CCDC171: variants seen among roughly 807,000 people sequenced by gnomAD.
The protein encoded by CCDC171 is coiled-coil domain containing 171.
A neutral mutation model predicts 168.2 loss-of-function variants in CCDC171; 177 were observed. The observed-to-expected ratio is 1.05, with a 90% CI of 0.93 to 1.19. CCDC171 has a LOEUF of 1.19. Ranked by LOEUF, CCDC171 falls within the 50% of genes most tolerant of loss-of-function variation. The pLI is 0.00. For synonymous variants in CCDC171, 687 were observed against 540.8 expected (o/e 1.27, Z -3.75); for missense variants, 1,991 against 1,539.0 (o/e 1.29, Z -4.91).
intron 8 of CCDC171, among the ~76,000 whole-genome samples, chr9:15,660,930 T>A (rs1330097866): frequency 6.6e-6 from 1 of 152,208 alleles, no homozygotes; most frequent in Non-Finnish European, 1.5e-5. Context: ...TAATTTACAT[T>A]CCCACCAATA....
intron 4 of CCDC171, among the ~76,000 whole-genome samples, chr9:15,584,113 C>T (rs1468607149): frequency 6.6e-6 from 1 of 152,152 alleles, no homozygotes; most frequent in African/African-American, 2.4e-5. Context: ...GTGATCCACC[C>T]GCCTCGGCCT....
chr9:16,009,904 C>T (rs903730801), intron 3 of CCDC171, among the ~76,000 whole-genome samples: 1 of 152,088 alleles, frequency 6.6e-6, no homozygotes, highest in Non-Finnish European at 1.5e-5. Flanking sequence ...CTAAAAAATG[C>T]ATTACAGGCG....
intron 16 of CCDC171, among the ~76,000 whole-genome samples, chr9:15,730,934 A>G (rs2054113482): frequency 2.0e-5 from 3 of 152,048 alleles, no homozygotes; most frequent in African/African-American, 7.2e-5. Context: ...GTTTTTAAAA[A>G]GTATTTATTT....
At chr9:15,701,207 T>G (rs2051706842) in intron 11 of CCDC171, among the ~76,000 whole-genome samples, 1 of 152,238 alleles carries the variant, frequency 6.6e-6, no homozygotes, top group African/African-American at 2.4e-5. Flanking sequence ...TTCACTCTGT[T>G]GATTGTTTCC....
At position 15,820,714 on chromosome 9, in the gene CCDC171, A is replaced by G. The variant is rs1563804735; in HGVS notation, c.3268-25988A>G. Among the ~76,000 whole-genome samples, 2 of 116,992 alleles carry G rather than the reference A, an allele frequency of 1.7e-5. 1 individual carries two copies. Among genetic ancestry groups the G allele is most frequent in the East Asian group, 4.3e-4 (2 of 4,668 alleles). The allele number at this position is 116,992 out of a possible 152,430, so 76.8% of individuals were successfully genotyped here. On this transcript the variant is annotated intron_variant, in intron 21 of 25. Transcript: ENST00000380701. ...TAATTAATAGCTTACCAACCAAAAA[A>G]AGTCCAGGACCAGATGGATTCACAG...
rs574036447 is a variant in CCDC171, at chr9:16,017,445, A to G, written n.369-3144A>G. Among the ~76,000 whole-genome samples the G allele has an allele frequency of 2.0e-3, 302 of 152,252 alleles. 3 individuals carry two copies. The highest frequency in any genetic ancestry group is 2.8e-3 in the Non-Finnish European group (191 of 68,000). ...TTTAGCTTGTTTCCAATTTTTAATT[A>G]TTATAAATAATACTATAGTGAACCT... On this transcript the variant is annotated intron_variant and non_coding_transcript_variant, in intron 3 of 9. Coordinates refer to the CCDC171 transcript ENST00000486641.
rs1371949802 is a variant in CCDC171 at position 15,917,934 on chromosome 9, A to G, written c.3601-2336A>G. Reference sequence around the variant, plus strand: ...AGAACCACATATTTCAGATTGTCTCATTTAGATTTTAGTGGAGAATTTAAA... The same window carrying G: ...AGAACCACATATTTCAGATTGTCTCGTTTAGATTTTAGTGGAGAATTTAAA... On this transcript the variant is annotated intron_variant, in intron 24 of 25. Coordinates refer to ENST00000380701, the MANE Select transcript of CCDC171 (RefSeq NM_173550.4). Among the ~76,000 whole-genome samples the G allele has an allele frequency of 3.3e-5, 5 of 151,834 alleles. No individual in the cohort carries two copies. In the South Asian group the frequency reaches 8.3e-4, roughly 25 times the overall value.
the CCDC171 span, among the ~76,000 whole-genome samples, chr9:16,103,475 G>A: frequency 6.6e-6 from 1 of 152,252 alleles, no homozygotes; most frequent in Admixed American, 6.5e-5. Flanking sequence ...CATAAAAGAT[G>A]CAATGTAAAA....
At chr9:15,949,986 A>G (rs913887847) in intron 25 of CCDC171, among the ~76,000 whole-genome samples, 1 of 152,150 alleles carries the variant, frequency 6.6e-6, no homozygotes, top group Non-Finnish European at 1.5e-5. Flanking sequence ...TCCCATCAAT[A>G]GTTAATTTAT....
intron 21 of CCDC171, among the ~76,000 whole-genome samples, chr9:15,837,878 A>G (rs1164373149): frequency 6.6e-6 from 1 of 152,212 alleles, no homozygotes; most frequent in African/African-American, 2.4e-5. Flanking sequence ...CTCAGTGGTT[A>G]TTGCCAGTGG....
chr9:15,942,509 C>A (rs1487082297), intron 25 of CCDC171, among the ~76,000 whole-genome samples: 1 of 151,844 alleles, frequency 6.6e-6, no homozygotes, highest in East Asian at 1.9e-4. Flanking sequence ...AATTGTTCAC[C>A]TGAGATCAGG....
intron 25 of CCDC171, among the ~76,000 whole-genome samples, chr9:15,923,321 G>A (rs183198096): frequency 6.6e-5 from 10 of 151,182 alleles, no homozygotes; most frequent in Admixed American, 4.6e-4. Flanking sequence ...CTATTCAGTC[G>A]TAAAAAAGAA....
chr9:15,997,306 C>T (rs776475388), intron 3 of CCDC171, among the ~76,000 whole-genome samples: 2 of 152,214 alleles, frequency 1.3e-5, no homozygotes, highest in Non-Finnish European at 2.9e-5. Flanking sequence ...GCCAGACTCT[C>T]GTACCCCTAC....
chr9:16,065,460 C>G (rs146611797), downstream of CCDC171, among the ~76,000 whole-genome samples: 266 of 152,206 alleles, frequency 1.7e-3, 1 homozygote, highest in African/African-American at 6.3e-3. Flanking sequence ...CCTTGGAAAG[C>G]TCGAGGGGCC....
chr9:15,633,812 G>A (rs1281351452), intron 7 of CCDC171, among the ~76,000 whole-genome samples: 1 of 152,128 alleles, frequency 6.6e-6, no homozygotes, highest in African/African-American at 2.4e-5. Context: ...AAGAAAATGT[G>A]GCAGATATAC....
intron 3 of CCDC171, among the ~76,000 whole-genome samples, chr9:15,572,071 A>G (rs749818205): frequency 1.3e-5 from 2 of 152,194 alleles, no homozygotes; most frequent in Non-Finnish European, 1.5e-5. Flanking sequence ...TTGAAATCAT[A>G]ATGTAGGTTC....
At chr9:15,631,068 C>A (rs1015128716) in intron 7 of CCDC171, among the ~76,000 whole-genome samples, 92 of 151,594 alleles carry the variant, frequency 6.1e-4, no homozygotes, top group African/African-American at 1.7e-3. Context: ...AAGAGAAAGC[C>A]GGAAAGATCC....
upstream of CCDC171, among the ~76,000 whole-genome samples, chr9:16,042,011 T>C (rs1833580990): frequency 6.6e-6 from 1 of 152,210 alleles, no homozygotes. Context: ...CAATCTTCAT[T>C]TTAGTTTTCT....
At chr9:15,887,723 T>G (rs913613261) in intron 24 of CCDC171, 5 of 152,076 alleles carry the variant, frequency 3.3e-5, no homozygotes, top group Admixed American at 3.3e-4. Flanking sequence ...TTAAATAAAT[T>G]CTCATAATAA....
Sources: allele counts gnomAD v4.1 joint callset (sites outside exome capture counted in the v4.1 genomes callset), GRCh38; gene constraint gnomAD v4.1.1; transcripts MANE v1.5; gene names NCBI Gene and HGNC (gene_info 2026-07-23, HGNC 2026-07-21).